The following CDKAL1 variants were observed in gnomAD, a reference collection of about 807,000 sequenced individuals.
CDKAL1 encodes threonylcarbamoyladenosine tRNA methylthiotransferase.
CDKAL1 carries 32 observed loss-of-function variants against 68.2 expected under a neutral mutation model. That is an observed-to-expected ratio of 0.47 (90% CI 0.35 to 0.63). CDKAL1 has a LOEUF of 0.63. Ranked by LOEUF, CDKAL1 falls within the 30% of genes least tolerant of loss-of-function variation. The probability of loss-of-function intolerance (pLI) is 0.00; values close to 1 mark genes in which losing one functional copy is unlikely to be tolerated. For synonymous variants in CDKAL1, 234 were observed against 244.3 expected, an observed-to-expected ratio of 0.96 and a Z score of 0.39; for missense variants, 606 against 696.7, an observed-to-expected ratio of 0.87 and a Z score of 1.47.
chr6:20,661,982 A>G (rs1249389973), intron 5 of CDKAL1, among the ~76,000 whole-genome samples: 1 of 152,188 alleles, frequency 6.6e-6, no homozygotes, highest in Non-Finnish European at 1.5e-5. Flanking sequence ...AGAAAAAATC[A>G]ACATGATCTA....
rs187341982 is a variant in CDKAL1 at position 20,841,580 on chromosome 6, A to G, written c.639-4495A>G. ...GTTATTTCATTTGTTTAGTCTATGTAATTTAAAAATATTCTACCATAGGTG... is the reference window on the plus strand; with the variant it reads ...GTTATTTCATTTGTTTAGTCTATGTGATTTAAAAATATTCTACCATAGGTG... On this transcript the variant is annotated intron_variant, in intron 8 of 15. Transcript: ENST00000274695. Among the ~76,000 whole-genome samples the G allele has an allele frequency of 2.0e-5, 3 of 152,292 alleles. No individual in the cohort carries two copies. The East Asian group carries it at 5.8e-4, about 29-fold the overall frequency.
intron 15 of CDKAL1, among the ~76,000 whole-genome samples, chr6:21,212,259 G>T: frequency 6.6e-6 from 1 of 152,270 alleles, no homozygotes; most frequent in Admixed American, 6.5e-5. Flanking sequence ...TCCACCAGAG[G>T]CAGGGAACCT....
chr6:21,076,095 C>A (rs1772057331), intron 12 of CDKAL1, among the ~76,000 whole-genome samples: 4 of 152,036 alleles, frequency 2.6e-5, no homozygotes, highest in African/African-American at 9.7e-5. Flanking sequence ...AACTTTTACC[C>A]TTAAGAAAGA....
chr6:20,554,836 T>A (rs1188964105), intron 4 of CDKAL1, among the ~76,000 whole-genome samples: 1 of 152,196 alleles, frequency 6.6e-6, no homozygotes, highest in East Asian at 1.9e-4. Context: ...ATGAATATTG[T>A]ATGTGTTTTT....
At chr6:21,199,607 A>G (rs1048081809) in intron 14 of CDKAL1, among the ~76,000 whole-genome samples, 1 of 152,104 alleles carries the variant, frequency 6.6e-6, no homozygotes, top group African/African-American at 2.4e-5. Flanking sequence ...TGCTTCCTCC[A>G]ATTTAAAGCA....
At chr6:21,209,328 G>A (rs1779064876) in intron 15 of CDKAL1, among the ~76,000 whole-genome samples, 1 of 152,170 alleles carries the variant, frequency 6.6e-6, no homozygotes, top group Admixed American at 6.5e-5. Context: ...CAAAGACGTG[G>A]ACCGACTTCC....
At chr6:21,065,824 A>T (rs1424099222) in intron 12 of CDKAL1, among the ~76,000 whole-genome samples, 1 of 151,906 alleles carries the variant, frequency 6.6e-6, no homozygotes, top group African/African-American at 2.4e-5. Flanking sequence ...AATGCCCCAG[A>T]AATTAAGGGT....
At chr6:20,776,768 A>G (rs1775189808) in intron 7 of CDKAL1, among the ~76,000 whole-genome samples, 1 of 152,214 alleles carries the variant, frequency 6.6e-6, no homozygotes, top group East Asian at 1.9e-4. Flanking sequence ...CAACAAACTG[A>G]AAAGTGTTTA....
chr6:21,082,870 TTTTG>T (rs1243608902), intron 12 of CDKAL1, among the ~76,000 whole-genome samples: 2 of 130,064 alleles, frequency 1.5e-5, no homozygotes, highest in Admixed American at 8.0e-5. Context: ...TTTATGTTTC[TTTTG>T]TTTTTTTTTT....
chr6:20,973,985 A>G (rs561393095), intron 10 of CDKAL1, among the ~76,000 whole-genome samples: 3 of 152,350 alleles, frequency 2.0e-5, no homozygotes, highest in South Asian at 2.1e-4. Flanking sequence ...ACTGTGAAGT[A>G]TTATATAGAA....
intron 4 of CDKAL1, among the ~76,000 whole-genome samples, chr6:20,579,760 C>T (rs74606809): frequency 0.021 from 3,257 of 152,268 alleles, 103 homozygotes; most frequent in African/African-American, 0.073. Flanking sequence ...CCTCATTCGT[C>T]CTTGATCCTA....
chr6:20,839,428 G>C (rs1778087586), intron 8 of CDKAL1, among the ~76,000 whole-genome samples: 2 of 152,156 alleles, frequency 1.3e-5, no homozygotes, highest in Non-Finnish European at 2.9e-5. Flanking sequence ...TAGCCTATTT[G>C]ATGTCCAGTT....
chr6:20,681,782 A>G (rs1019630322), intron 5 of CDKAL1, among the ~76,000 whole-genome samples: 5 of 152,204 alleles, frequency 3.3e-5, no homozygotes, highest in Non-Finnish European at 7.3e-5. Flanking sequence ...ATAGGATAGT[A>G]TCGATACTGC....
chr6:20,552,477 T>C (rs1472683196), intron 4 of CDKAL1, among the ~76,000 whole-genome samples: 2 of 152,180 alleles, frequency 1.3e-5, no homozygotes, highest in African/African-American at 2.4e-5. Flanking sequence ...TGTTTGGTCT[T>C]GTAACAGTAC....
At chr6:20,619,446 A>G (rs995499697) in intron 4 of CDKAL1, among the ~76,000 whole-genome samples, 2 of 152,234 alleles carry the variant, frequency 1.3e-5, no homozygotes, top group Non-Finnish European at 2.9e-5. Flanking sequence ...TCATTCTGCA[A>G]TGTATATAGG....
chr6:20,957,035 A>T (rs768652076), intron 10 of CDKAL1, among the ~76,000 whole-genome samples: 1 of 145,172 alleles, frequency 6.9e-6, no homozygotes, highest in East Asian at 2.0e-4. Context: ...AAAAAATCAA[A>T]TATGCTAAGA....
At position 20,945,416 on chromosome 6, in the gene CDKAL1, T is replaced by C. The variant is rs117097514; in HGVS notation, c.743-10003T>C. 2.4e-3 allele frequency among the ~76,000 whole-genome samples: 364 copies of C among 152,370 alleles called. 8 individuals carry two copies. The East Asian group carries it at 0.047, about 20-fold the overall frequency. On this transcript the variant is annotated intron_variant, in intron 9 of 15. Coordinates refer to ENST00000274695, the MANE Select transcript of CDKAL1 (RefSeq NM_017774.3). ...TTTTGGATAAAGGAATATTTACCTG[T>C]AGTTCAAAAGAATAAAGTGATCCAA...
chr6:21,037,828 A>T (rs1275798670), intron 11 of CDKAL1, among the ~76,000 whole-genome samples: 4 of 152,218 alleles, frequency 2.6e-5, no homozygotes, highest in African/African-American at 9.6e-5. Context: ...AATTTTGTTA[A>T]ATGTGTCACA....
At chr6:21,078,453 C>A (rs1323044270) in intron 12 of CDKAL1, among the ~76,000 whole-genome samples, 3 of 152,122 alleles carry the variant, frequency 2.0e-5, no homozygotes, top group African/African-American at 7.2e-5. Context: ...GTTCTGAGCC[C>A]TTTAATGTAT....
Sources: allele counts gnomAD v4.1 joint callset (sites outside exome capture counted in the v4.1 genomes callset), GRCh38; gene constraint gnomAD v4.1.1; transcripts MANE v1.5; gene names NCBI Gene and HGNC (gene_info 2026-07-23, HGNC 2026-07-21).